Variants in TDRD5 observed in about 807,000 individuals in gnomAD.
The protein encoded by TDRD5 is tudor domain containing 5, also known as tudor domain-containing protein 5.
TDRD5 carries 41 observed loss-of-function variants against 120.6 expected under a neutral mutation model. The ratio of observed to expected loss-of-function variants is 0.34; its 90% confidence interval spans 0.26 to 0.44. The LOEUF is 0.44. Ranked by LOEUF, TDRD5 falls within the 20% of genes least tolerant of loss-of-function variation. The pLI is 1.00. For synonymous variants in TDRD5, 430 were observed against 433.7 expected (o/e 0.99, Z 0.11); for missense variants, 1,006 against 1,221.2 (o/e 0.82, Z 2.63).
chr1:179,648,796 AT>A (rs200948352), intron 11 of TDRD5, among the ~76,000 whole-genome samples: 10 of 149,622 alleles, frequency 6.7e-5, no homozygotes, highest in African/African-American at 2.4e-4. Context: ...AATAAAAAAA[AT>A]AATGTCAATT....
chr1:179,677,356 CAGAG>C (rs759866719), intron 17 of TDRD5, among the ~76,000 whole-genome samples: 1 of 152,146 alleles, frequency 6.6e-6, no homozygotes, highest in East Asian at 1.9e-4. Context: ...TCTGGCAATT[CAGAG>C]ATTTCATCTT....
intron 7 of TDRD5, 52 bp from the exon 8 acceptor site, chr1:179,634,405 C>A: frequency 6.4e-7 from 1 of 1,554,592 alleles, no homozygotes; most frequent in Non-Finnish European, 8.7e-7. Context: ...ATAGGCTGCT[C>A]TATTGGCCAT....
chr1:179,635,579 G>T, intron 8 of TDRD5, 88 bp from the exon 9 acceptor site: 1 of 1,177,252 alleles, frequency 8.5e-7, no homozygotes, highest in Non-Finnish European at 1.2e-6. Flanking sequence ...TTCTGATAAA[G>T]GTGATTCATG....
chr1:179,664,306 C>T (rs1467295449), intron 16 of TDRD5, among the ~76,000 whole-genome samples: 1 of 151,798 alleles, frequency 6.6e-6, no homozygotes, highest in African/African-American at 2.4e-5. Flanking sequence ...TTAAATACAG[C>T]TTTATTGGAA....
At chr1:179,658,271 G>A (rs1679110510) in intron 14 of TDRD5, among the ~76,000 whole-genome samples, 1 of 152,116 alleles carries the variant, frequency 6.6e-6, no homozygotes, top group Non-Finnish European at 1.5e-5. Context: ...CTAATAAAAT[G>A]AGTTGGAAGT....
chr1:179,660,613 C>T (rs1679261969), intron 14 of TDRD5, among the ~76,000 whole-genome samples: 1 of 152,128 alleles, frequency 6.6e-6, no homozygotes, highest in Non-Finnish European at 1.5e-5. Flanking sequence ...GTGTCTTACC[C>T]TACTATTTAG....
At chr1:179,611,192 C>T (rs888800086) in intron 4 of TDRD5, among the ~76,000 whole-genome samples, 53 of 151,948 alleles carry the variant, frequency 3.5e-4, no homozygotes, top group African/African-American at 1.2e-3. Context: ...GCTGGAATTA[C>T]AGGGGTTGCC....
At position 179,630,802 on chromosome 1, in the gene TDRD5, A is replaced by T; in HGVS notation, c.1008A>T (p.Leu336Phe). 2 of 1,613,594 alleles carry T rather than the reference A, an allele frequency of 1.2e-6. No individual in the cohort carries two copies. Among genetic ancestry groups the T allele is most frequent in the African/African-American group, 2.7e-5 (2 of 75,022 alleles). ...AAGAGCAACTATCACCAAAAAAATT[A>T]GGCTTCTTAAATGTGACAGAACTTG... ...IFKEQLSPKK[L>F]GFLNVTELVG... The change falls in exon 7 of 18, where the codon TTA becomes TTT. Residue 336 changes from leucine (L) to phenylalanine (F), a missense_variant. Leu to Phe is a conservative substitution (Grantham distance 22). Transcript: ENST00000444136.
upstream of TDRD5, chr1:179,591,728 C>G (rs1406558530): frequency 3.3e-5 from 5 of 152,356 alleles, no homozygotes; most frequent in African/African-American, 1.2e-4. Flanking sequence ...CACACCTGAC[C>G]CCGGAGCGGC....
intron 17 of TDRD5, among the ~76,000 whole-genome samples, chr1:179,688,976 G>T (rs1220332513): frequency 6.6e-6 from 1 of 152,094 alleles, no homozygotes; most frequent in Non-Finnish European, 1.5e-5. Flanking sequence ...TAGCTTCTTT[G>T]CTATGGGTTC....
chr1:179,596,099 A>G lies in TDRD5; in HGVS notation c.831+281A>G, dbSNP rs553155468. ...AGTTCCAGTTCCTCACCAAAGTTAC[A>G]GAAGCATATTTGCAATTTACCTCAC... On this transcript the variant is annotated intron_variant, in intron 4 of 17. Transcript: ENST00000444136. Among the ~76,000 whole-genome samples the G allele has an allele frequency of 7.9e-5, 12 of 152,330 alleles. No individual in the cohort carries two copies. In the East Asian group the frequency reaches 1.7e-3, roughly 22 times the overall value.
At chr1:179,656,223 A>C (rs1678998575) in intron 14 of TDRD5, among the ~76,000 whole-genome samples, 1 of 152,186 alleles carries the variant, frequency 6.6e-6, no homozygotes, top group South Asian at 2.1e-4. Context: ...GTTGTCATCT[A>C]TACACAATTC....
chr1:179,628,132 T>C (rs1033893942), intron 6 of TDRD5, among the ~76,000 whole-genome samples: 33 of 152,068 alleles, frequency 2.2e-4, no homozygotes, highest in African/African-American at 6.8e-4. Flanking sequence ...TTGCAGGAAA[T>C]AAAGTGTTTG....
intron 4 of TDRD5, among the ~76,000 whole-genome samples, chr1:179,597,324 CT>C (rs1421959643): frequency 6.0e-5 from 8 of 132,858 alleles, no homozygotes; most frequent in African/African-American, 2.1e-4. Context: ...TCTTTCTTTT[CT>C]TTTTTTCTTT....
intron 11 of TDRD5, among the ~76,000 whole-genome samples, chr1:179,648,377 C>T (rs1409931168): frequency 7.7e-6 from 1 of 129,224 alleles, no homozygotes; most frequent in South Asian, 2.7e-4. Context: ...TATTCTCACT[C>T]ATAGATGGGA....
chr1:179,680,711 C>G (rs1680375032), intron 17 of TDRD5, among the ~76,000 whole-genome samples: 1 of 152,140 alleles, frequency 6.6e-6, no homozygotes. Flanking sequence ...CGCCTGTAAT[C>G]CCAGCATTTT....
intron 6 of TDRD5, among the ~76,000 whole-genome samples, chr1:179,622,940 A>G (rs1168685280): frequency 1.3e-5 from 2 of 152,194 alleles, no homozygotes; most frequent in Non-Finnish European, 2.9e-5. Flanking sequence ...TCACATAGGC[A>G]CATCATAGTA....
At chr1:179,634,096 A>G (rs1181731270) in intron 7 of TDRD5, among the ~76,000 whole-genome samples, 2 of 150,878 alleles carry the variant, frequency 1.3e-5, no homozygotes, top group Non-Finnish European at 3.0e-5. Flanking sequence ...GTGTGAACCC[A>G]GGAGGCGGAA....
At chr1:179,641,496 C>T (rs1168731277) in intron 11 of TDRD5, among the ~76,000 whole-genome samples, 2 of 151,406 alleles carry the variant, frequency 1.3e-5, no homozygotes, top group African/African-American at 2.4e-5. Context: ...CGCCGCTGCA[C>T]TCCAGCCAGG....
Sources: gnomAD v4.1 joint callset for allele counts (sites outside exome capture counted in the v4.1 genomes callset) on GRCh38, gnomAD v4.1.1 for gene constraint, MANE v1.5 for transcripts, NCBI Gene and HGNC (gene_info 2026-07-23, HGNC 2026-07-21) for gene names.